USP44: variants seen among roughly 807,000 people sequenced by gnomAD.
USP44 encodes ubiquitin specific peptidase 44, also known as ubiquitin carboxyl-terminal hydrolase 44.
In USP44, 61 loss-of-function variants were observed where a neutral mutation model predicts 69.0. The observed-to-expected ratio is 0.88, with a 90% CI of 0.72 to 1.09. The LOEUF (loss-of-function observed/expected upper bound fraction) is 1.09, where lower values mean the gene tolerates loss of function less well. Among genes scored for constraint, USP44 ranks in the 50% least tolerant of loss-of-function variants. The probability of loss-of-function intolerance (pLI) is 0.00; values close to 1 mark genes in which losing one functional copy is unlikely to be tolerated. For synonymous variants in USP44, 297 were observed against 295.4 expected (o/e 1.01, Z -0.06); for missense variants, 753 against 849.9 (o/e 0.89, Z 1.42).
chr12:95,532,144 C>T (rs571214987), intron 2 of USP44, among the ~76,000 whole-genome samples: 2 of 151,170 alleles, frequency 1.3e-5, no homozygotes, highest in African/African-American at 2.4e-5. Context: ...CTCAAGTGTG[C>T]ACCATTTTCT....
At position 95,551,346 on chromosome 12, in the gene USP44, C is replaced by CCCAGTTT. The variant is rs1455242392; in HGVS notation, c.-152_-146dup. 1.3e-5 allele frequency: 2 copies of CCCAGTTT among 152,534 alleles called. No individual in the cohort carries two copies. Among genetic ancestry groups the CCCAGTTT allele is most frequent in the Admixed American group, 1.3e-4 (2 of 15,268 alleles). 9.4% of individuals were successfully genotyped at this position (152,534 alleles called of 1,614,324 possible). On this transcript the variant is annotated 5_prime_UTR_variant, in exon 1 of 6. It removes the in-frame stop codon of an upstream open reading frame in the 5' UTR. Transcript: ENST00000258499. ...TCAGAGGTCAGTCCCTGCAGGATCG[C>CCCAGTTT]CCAGTTTCCATCAGGGCAAATGCTG...
chr12:95,518,499 T>G lies in USP44; in HGVS notation c.1940-146A>C. On this transcript the variant is annotated intron_variant, in intron 5 of 5. Transcript: ENST00000258499. ...AATGAGAAATATAGATTGGGCAGTG[T>G]TACCCTGGAATTATCTACCTTTATT... is the stretch of plus-strand genomic sequence containing the variant. The G allele has an allele frequency of 4.9e-6, 4 of 813,806 alleles. No individual in the cohort carries two copies. In the South Asian group the frequency reaches 7.4e-5, roughly 15 times the overall value. 50.4% of individuals were successfully genotyped at this position (813,806 alleles called of 1,614,324 possible).
rs148981337 is a variant in USP44, at chr12:95,528,889, T to C, written c.1542A>G (p.Pro514=). The change falls in exon 3 of 6, where the codon CCA becomes CCG. Residue 514 remains proline, a synonymous_variant. Coordinates refer to ENST00000258499, the MANE Select transcript of USP44 (RefSeq NM_032147.5). ...QCSGKDIASQ[P]CLVTEMLAKF... ...TGGCCAACATTTCAGTAACCAGACA[T>C]GGCTGGGAAGCAATATCTTTTCCAC... The C allele has an allele frequency of 1.6e-5, 26 of 1,614,096 alleles. No individual in the cohort carries two copies. The highest frequency in any genetic ancestry group is 6.7e-5 in the Admixed American group (4 of 60,018).
intron 1 of USP44, among the ~76,000 whole-genome samples, chr12:95,542,303 A>G (rs2077415041): frequency 6.6e-6 from 1 of 152,168 alleles, no homozygotes; most frequent in Admixed American, 6.5e-5. Flanking sequence ...TAGGCTCCTT[A>G]TGGTCAGGAA....
chr12:95,526,592 C>A (rs904425655), intron 3 of USP44, among the ~76,000 whole-genome samples: 9 of 151,620 alleles, frequency 5.9e-5, no homozygotes, highest in South Asian at 2.1e-4. Context: ...CAAAAAAAAA[C>A]CTTATAAATT....
chr12:95,528,849 C>T lies in USP44; in HGVS notation c.1582G>A (p.Glu528Lys), dbSNP rs1263994421. 1.2e-6 allele frequency: 2 copies of T among 1,613,908 alleles called. No homozygotes were observed. Among genetic ancestry groups the T allele is most frequent in the African/African-American group, 1.3e-5 (1 of 74,928 alleles). ...ACGTAGATTTTTCCTTCTAAAGCTT[C>T]AGTTTCTGTAAATTTGGCCAACATT... is the stretch of plus-strand genomic sequence containing the variant. ...TEMLAKFTET[E>K]ALEGKIYVCD... Residue 528 changes from glutamate to lysine, a missense_variant, in exon 3 of 6, where the codon GAA becomes AAA. Glu to Lys is a moderately conservative substitution (Grantham distance 56, BLOSUM62 1). Transcript: ENST00000258499.
intron 2 of USP44, 31 bp downstream of exon 2, chr12:95,532,798 T>C: frequency 6.6e-7 from 1 of 1,526,436 alleles, no homozygotes; most frequent in South Asian, 1.3e-5. Flanking sequence ...GAACTCCCAA[T>C]GATGAAAATA....
intron 3 of USP44, among the ~76,000 whole-genome samples, chr12:95,526,850 T>C (rs1297333633): frequency 1.3e-5 from 2 of 152,186 alleles, no homozygotes; most frequent in Non-Finnish European, 2.9e-5. Flanking sequence ...TACACTATAC[T>C]ACACTATATG....
intron 3 of USP44, among the ~76,000 whole-genome samples, chr12:95,528,584 C>CA (rs2076924312): frequency 1.3e-5 from 2 of 152,164 alleles, no homozygotes; most frequent in Non-Finnish European, 2.9e-5. Context: ...CTTCTCTCTC[C>CA]AAAATTGTCT....
intron 3 of USP44, among the ~76,000 whole-genome samples, chr12:95,528,080 C>A (rs1052992943): frequency 1.3e-5 from 2 of 152,174 alleles, no homozygotes; most frequent in Non-Finnish European, 2.9e-5. Flanking sequence ...CTCAGGTGAT[C>A]TGCCCACCTC....
Position 95,533,858 on chromosome 12 carries a change from A to G in USP44, c.399T>C (p.His133=), listed in dbSNP as rs2077109395. The stretch of plus-strand genomic sequence containing the variant: ...TTTGAAGCAGAGATTGGGCACCGTC[A>G]TGTAAGAAATAAGAATCATCACCTG... ...MGTGDDSYFL[H]DGAQSLLQSE... Residue 133 remains histidine (H), a synonymous_variant, in exon 2 of 6, where the codon CAT becomes CAC. Transcript: ENST00000258499. The G allele has an allele frequency of 3.1e-6, 5 of 1,614,066 alleles. No individual in the cohort carries two copies. The Admixed American group carries it at 5.0e-5, about 16-fold the overall frequency.
At chr12:95,539,377 C>T (rs2077314397) in intron 1 of USP44, among the ~76,000 whole-genome samples, 1 of 152,030 alleles carries the variant, frequency 6.6e-6, no homozygotes, top group Non-Finnish European at 1.5e-5. Context: ...AGGCGCCTGC[C>T]ACCACACCCA....
At chr12:95,519,443 T>C (rs2076580213) in intron 5 of USP44, among the ~76,000 whole-genome samples, 2 of 136,136 alleles carry the variant, frequency 1.5e-5, no homozygotes, top group Non-Finnish European at 1.6e-5. Flanking sequence ...TTTTTTTTTT[T>C]TTTTTTTTTT....
chr12:95,543,427 AAG>A (rs2077459900), intron 1 of USP44, among the ~76,000 whole-genome samples: 2 of 150,402 alleles, frequency 1.3e-5, no homozygotes, highest in African/African-American at 4.9e-5. Flanking sequence ...AAAAAAAAAA[AAG>A]AAAAAGAAAA....
chr12:95,530,694 T>TAGATAG (rs1565816685), intron 2 of USP44, among the ~76,000 whole-genome samples: 29 of 128,622 alleles, frequency 2.3e-4, no homozygotes, highest in Middle Eastern at 4.4e-3. Context: ...TAGATAGATA[T>TAGATAG]AAAAGAAAAA....
At chr12:95,532,795 C>T in intron 2 of USP44, 34 bp downstream of exon 2, 1 of 1,522,024 alleles carries the variant, frequency 6.6e-7, no homozygotes, top group East Asian at 2.3e-5. Flanking sequence ...TATGAACTCC[C>T]AATGATGAAA....
At position 95,533,668 on chromosome 12, in the gene USP44, A is replaced by G. The variant is rs1592711906; in HGVS notation, c.589T>C (p.Leu197=). The G allele has an allele frequency of 1.9e-6, 3 of 1,613,832 alleles. No homozygotes were observed. The highest frequency in any genetic ancestry group is 2.2e-5 in the East Asian group (1 of 44,878). Residue 197 remains leucine (L), a synonymous_variant, in exon 2 of 6, where the codon TTG becomes CTG. Transcript: ENST00000258499. ...AATTCTGCTTTAACTTGATACTCCA[A>G]TTCCTGCCGTCTTTTCTTTACTTCT... ...KREVKKRRQE[L]EYQVKAELES... is the part of the protein sequence containing the mutation.
chr12:95,520,439 C>A (rs981468634), intron 5 of USP44, among the ~76,000 whole-genome samples: 4 of 152,010 alleles, frequency 2.6e-5, no homozygotes, highest in Admixed American at 6.6e-5. Flanking sequence ...TTGCAGTGAG[C>A]TGAGATCGTC....
At chr12:95,544,794 C>T (rs2077519163) in intron 1 of USP44, among the ~76,000 whole-genome samples, 1 of 152,112 alleles carries the variant, frequency 6.6e-6, no homozygotes, top group African/African-American at 2.4e-5. Context: ...ATAACATTTT[C>T]ATTAAGAAGC....
Sources: allele counts gnomAD v4.1 joint callset (sites outside exome capture counted in the v4.1 genomes callset), GRCh38; gene constraint gnomAD v4.1.1; transcripts MANE v1.5; gene names NCBI Gene and HGNC (gene_info 2026-07-23, HGNC 2026-07-21).